The following PIK3CB variants were observed in gnomAD, a reference collection of about 807,000 sequenced individuals.
PIK3CB encodes phosphatidylinositol 4,5-bisphosphate 3-kinase catalytic subunit beta isoform.
PIK3CB carries 39 observed loss-of-function variants against 136.8 expected under a neutral mutation model. The ratio of observed to expected loss-of-function variants is 0.29; its 90% CI spans 0.22 to 0.37. The LOEUF is 0.37. Among genes scored for constraint, PIK3CB ranks in the 10% least tolerant of loss-of-function variants. The probability of loss-of-function intolerance (pLI) is 1.00; values close to 1 mark genes in which losing one functional copy is unlikely to be tolerated. For missense variants in PIK3CB, 868 were observed against 1,275.4 expected (o/e 0.68, Z 4.87); for synonymous variants, 428 against 436.6 (o/e 0.98, Z 0.25).
chr3:138,681,187 C>T (rs781698082), intron 19 of PIK3CB, among the ~76,000 whole-genome samples: 5 of 151,158 alleles, frequency 3.3e-5, no homozygotes, highest in Non-Finnish European at 2.9e-5. Context: ...GCTGGGAGTA[C>T]GGGCATGTGC....
intron 12 of PIK3CB, among the ~76,000 whole-genome samples, chr3:138,702,931 C>A (rs1426543983): frequency 6.6e-6 from 1 of 152,134 alleles, no homozygotes; most frequent in Non-Finnish European, 1.5e-5. Flanking sequence ...ATCACACCAG[C>A]CTCATCAATT....
At chr3:138,717,049 A>T (rs967452728) in intron 8 of PIK3CB, among the ~76,000 whole-genome samples, 1 of 150,778 alleles carries the variant, frequency 6.6e-6, no homozygotes, top group Admixed American at 6.6e-5. Flanking sequence ...AGGTCAAGAG[A>T]TCAAGACCAT....
At chr3:138,683,553 T>C (rs1323882931) in intron 18 of PIK3CB, 125 bp downstream of exon 18, 28 of 632,444 alleles carry the variant, frequency 4.4e-5, no homozygotes, top group Non-Finnish European at 7.0e-5. Flanking sequence ...TTTAGGACCA[T>C]TAATAGCTAC....
At chr3:138,763,607 C>G (rs767343372) in intron 2 of PIK3CB, among the ~76,000 whole-genome samples, 1 of 152,112 alleles carries the variant, frequency 6.6e-6, no homozygotes, top group Non-Finnish European at 1.5e-5. Context: ...AATAAAAGAG[C>G]ATGAAACTAG....
chr3:138,823,501 G>C (rs916297113), intron 1 of PIK3CB, among the ~76,000 whole-genome samples: 1 of 151,602 alleles, frequency 6.6e-6, no homozygotes, highest in African/African-American at 2.4e-5. Flanking sequence ...TCAGGAGATC[G>C]AGACCATCCT....
intron 1 of PIK3CB, among the ~76,000 whole-genome samples, chr3:138,806,133 AAT>A (rs571849632): frequency 6.1e-4 from 93 of 152,324 alleles, no homozygotes; most frequent in African/African-American, 2.0e-3. Flanking sequence ...AAGCTGTGCT[AAT>A]ATAATTATAC....
chr3:138,817,472 T>C (rs6794270), intron 1 of PIK3CB, among the ~76,000 whole-genome samples: 77,639 of 152,064 alleles, frequency 0.51, 22,365 homozygotes, highest in African/African-American at 0.75. Flanking sequence ...GCTGAGATCA[T>C]GCCATTGCAC....
intron 7 of PIK3CB, 72 bp downstream of exon 7, chr3:138,734,562 G>T: frequency 8.9e-7 from 1 of 1,127,196 alleles, no homozygotes; most frequent in Non-Finnish European, 1.3e-6. Context: ...AAGGAAATAT[G>T]TGTGAAACTT....
intron 2 of PIK3CB, among the ~76,000 whole-genome samples, chr3:138,783,758 C>T (rs1169583548): frequency 6.6e-6 from 1 of 152,002 alleles, no homozygotes; most frequent in Non-Finnish European, 1.5e-5. Flanking sequence ...TGCTGTTCTT[C>T]ATGCAAAAGA....
intron 1 of PIK3CB, among the ~76,000 whole-genome samples, chr3:138,809,746 C>A (rs182269749): frequency 3.9e-5 from 6 of 151,948 alleles, no homozygotes; most frequent in Non-Finnish European, 7.4e-5. Flanking sequence ...TAGCTTAACA[C>A]AGACATAGTT....
intron 2 of PIK3CB, among the ~76,000 whole-genome samples, chr3:138,781,762 T>A (rs1409950880): frequency 1.3e-5 from 2 of 151,960 alleles, no homozygotes; most frequent in Admixed American, 6.6e-5. Context: ...GCCCAAAAAA[T>A]TTTTTTAATT....
At chr3:138,705,155 CAAA>C (rs1312893752) in intron 11 of PIK3CB, among the ~76,000 whole-genome samples, 8 of 29,870 alleles carry the variant, frequency 2.7e-4, no homozygotes, top group East Asian at 4.3e-3. Flanking sequence ...ATTAGAAAGG[CAAA>C]AAAAAAAAAA....
chr3:138,781,291 C>CAA (rs60812016), intron 2 of PIK3CB, among the ~76,000 whole-genome samples: 12 of 113,686 alleles, frequency 1.1e-4, no homozygotes, highest in African/African-American at 2.2e-4. Flanking sequence ...GATCTTATCT[C>CAA]AAAAAAAAAA....
In PIK3CB at chr3:138,712,203, C is replaced by T. The variant is rs1274840757; in HGVS notation, c.1399+5G>A. ...TAACACTAAGGATAAGAATGTAAAT[C>T]TTACCAGGAAATGAAGACCAGCTGT... On this transcript the variant is annotated splice_donor_5th_base_variant and intron_variant, in intron 10 of 23. Coordinates refer to ENST00000674063, the MANE Select transcript of PIK3CB (RefSeq NM_006219.3). 1 of 1,458,202 alleles carries T rather than the reference C, an allele frequency of 6.9e-7. No homozygotes were observed. Among genetic ancestry groups the T allele is most frequent in the Non-Finnish European group, 9.5e-7 (1 of 1,049,374 alleles). 90.3% of individuals were successfully genotyped at this position (1,458,202 alleles called of 1,614,324 possible).
At chr3:138,655,568 T>TAGAGATGTGCA in intron 23 of PIK3CB, 42 bp from the exon 24 acceptor site, 1 of 1,510,500 alleles carries the variant, frequency 6.6e-7, no homozygotes, top group Non-Finnish European at 9.2e-7. Context: ...ATAACTTTAG[T>TAGAGATGTGCA]AGAGATGTGC....
At chr3:138,734,574 T>C (rs980806764) in intron 7 of PIK3CB, 60 bp downstream of exon 7, 9 of 1,289,436 alleles carry the variant, frequency 7.0e-6, no homozygotes, top group South Asian at 1.5e-5. Flanking sequence ...GTGAAACTTA[T>C]GTAAACTAAC....
chr3:138,821,911 G>C (rs1933577540), intron 1 of PIK3CB, among the ~76,000 whole-genome samples: 1 of 152,158 alleles, frequency 6.6e-6, no homozygotes, highest in South Asian at 2.1e-4. Context: ...CAGCACTTTG[G>C]GAGGCTGAGG....
chr3:138,746,382 C>T (rs772610098), intron 4 of PIK3CB, among the ~76,000 whole-genome samples: 22 of 152,110 alleles, frequency 1.4e-4, no homozygotes, highest in Non-Finnish European at 2.6e-4. Flanking sequence ...TCAAATCGGC[C>T]GGGCACGGTG....
intron 2 of PIK3CB, among the ~76,000 whole-genome samples, chr3:138,775,185 C>G (rs2045843948): frequency 6.6e-6 from 1 of 152,196 alleles, no homozygotes; most frequent in African/African-American, 2.4e-5. Context: ...CTAGAGGACA[C>G]AGAGAGTCCA....
Sources: allele counts gnomAD v4.1 joint callset (sites outside exome capture counted in the v4.1 genomes callset), GRCh38; gene constraint gnomAD v4.1.1; transcripts MANE v1.5; gene names NCBI Gene and HGNC (gene_info 2026-07-23, HGNC 2026-07-21).